The following SCFD2 variants were observed in gnomAD, a reference collection of about 807,000 sequenced individuals.
SCFD2 encodes the protein sec1 family domain containing 2.
In SCFD2, 54 loss-of-function variants were observed where a neutral mutation model predicts 58.9. That is an observed-to-expected ratio of 0.92 (90% confidence interval 0.74 to 1.15). The LOEUF (loss-of-function observed/expected upper bound fraction) is 1.15, where lower values mean the gene tolerates loss of function less well. Among genes scored for constraint, SCFD2 ranks in the 50% most tolerant of loss-of-function variants. The probability of loss-of-function intolerance (pLI) is 0.00; values close to 1 mark genes in which losing one functional copy is unlikely to be tolerated. For missense variants in SCFD2, 805 were observed against 836.6 expected (o/e 0.96, Z 0.47); for synonymous variants, 321 against 335.9 (o/e 0.96, Z 0.49).
chr4:52,993,913 C>T (rs1721679267), intron 5 of SCFD2, among the ~76,000 whole-genome samples: 1 of 152,166 alleles, frequency 6.6e-6, no homozygotes, highest in East Asian at 1.9e-4. Context: ...TGACTGGGGG[C>T]GTGTACTGCA....
chr4:52,971,886 T>G (rs1176173643), intron 5 of SCFD2, among the ~76,000 whole-genome samples: 3 of 152,184 alleles, frequency 2.0e-5, no homozygotes, highest in Admixed American at 1.3e-4. Flanking sequence ...AAAAGAATTT[T>G]CAACCCAGAA....
intron 2 of SCFD2, among the ~76,000 whole-genome samples, chr4:53,325,321 G>A (rs1311867822): frequency 1.3e-5 from 2 of 151,256 alleles, no homozygotes; most frequent in Non-Finnish European, 2.9e-5. Context: ...CATTCTTGAA[G>A]GTAAAATGCA....
intron 3 of SCFD2, among the ~76,000 whole-genome samples, chr4:53,293,875 C>A (rs1156869785): frequency 1.3e-5 from 2 of 151,596 alleles, no homozygotes; most frequent in African/African-American, 2.4e-5. Flanking sequence ...TGCTATCCCT[C>A]CCCCAGCCTC....
chr4:53,099,576 TG>T (rs1040081695), intron 5 of SCFD2, among the ~76,000 whole-genome samples: 1 of 152,078 alleles, frequency 6.6e-6, no homozygotes, highest in Non-Finnish European at 1.5e-5. Flanking sequence ...CTTCCATTCA[TG>T]GTGGAAGGTG....
chr4:53,284,547 T>C (rs1731605353), intron 3 of SCFD2, among the ~76,000 whole-genome samples: 1 of 114,756 alleles, frequency 8.7e-6, no homozygotes, highest in Non-Finnish European at 2.1e-5. Context: ...TCATGTAGAA[T>C]GGACAGATGT....
intron 5 of SCFD2, chr4:52,948,815 A>C: frequency 4.1e-6 from 1 of 243,852 alleles, no homozygotes; most frequent in South Asian, 4.9e-5. Flanking sequence ...ATTTTTCTGC[A>C]TCTATTTCCA....
At chr4:53,161,163 G>A (rs1206922205) in intron 4 of SCFD2, among the ~76,000 whole-genome samples, 2 of 152,168 alleles carry the variant, frequency 1.3e-5, no homozygotes, top group Non-Finnish European at 1.5e-5. Flanking sequence ...GGAGTAACCG[G>A]GAGAGAGCAA....
chr4:53,223,615 A>G (rs1729112879), intron 4 of SCFD2, among the ~76,000 whole-genome samples: 1 of 152,178 alleles, frequency 6.6e-6, no homozygotes, highest in Non-Finnish European at 1.5e-5. Flanking sequence ...CCTTCAAAAC[A>G]TAGTCTCACG....
chr4:53,290,425 A>T (rs1731801925), intron 3 of SCFD2, among the ~76,000 whole-genome samples: 1 of 152,214 alleles, frequency 6.6e-6, no homozygotes, highest in Non-Finnish European at 1.5e-5. Flanking sequence ...TCTTGAGACA[A>T]ACAACAATGG....
At chr4:53,213,837 G>C (rs1728708423) in intron 4 of SCFD2, among the ~76,000 whole-genome samples, 1 of 152,006 alleles carries the variant, frequency 6.6e-6, no homozygotes, top group Non-Finnish European at 1.5e-5. Flanking sequence ...CCTGGTGTGT[G>C]ATGTTCCGCT....
At chr4:53,301,903 C>G (rs370551388) in intron 3 of SCFD2, among the ~76,000 whole-genome samples, 1 of 152,016 alleles carries the variant, frequency 6.6e-6, no homozygotes, top group African/African-American at 2.4e-5. Context: ...ATTCAACAAC[C>G]CTCCATGCTA....
chr4:52,979,096 A>G (rs1721317093), intron 5 of SCFD2, among the ~76,000 whole-genome samples: 1 of 152,006 alleles, frequency 6.6e-6, no homozygotes, highest in South Asian at 2.1e-4. Context: ...GCAAGATAAA[A>G]TAGAAAATAC....
At chr4:53,154,811 G>A (rs185624860) in intron 4 of SCFD2, among the ~76,000 whole-genome samples, 55 of 151,576 alleles carry the variant, frequency 3.6e-4, no homozygotes, top group African/African-American at 1.3e-3. Context: ...CTTAAAAATA[G>A]AGGACTTTTC....
intron 5 of SCFD2, among the ~76,000 whole-genome samples, chr4:53,086,669 G>A (rs1724314087): frequency 6.6e-6 from 1 of 152,188 alleles, no homozygotes; most frequent in Non-Finnish European, 1.5e-5. Flanking sequence ...AGCAAATGTG[G>A]CAAATATATA....
At chr4:53,199,783 T>G (rs1728169680) in intron 4 of SCFD2, among the ~76,000 whole-genome samples, 1 of 152,162 alleles carries the variant, frequency 6.6e-6, no homozygotes, top group Non-Finnish European at 1.5e-5. Context: ...ACTGGGTAGC[T>G]TAAACAAGAG....
At chr4:53,216,528 CT>C (rs1728842035) in intron 4 of SCFD2, among the ~76,000 whole-genome samples, 1 of 151,910 alleles carries the variant, frequency 6.6e-6, no homozygotes, top group Non-Finnish European at 1.5e-5. Context: ...CTATTTGATT[CT>C]TCTCTCTTTT....
intron 4 of SCFD2, among the ~76,000 whole-genome samples, chr4:53,174,772 A>G (rs1248638254): frequency 1.3e-5 from 2 of 152,154 alleles, no homozygotes; most frequent in Non-Finnish European, 2.9e-5. Context: ...ACAAAGTGGG[A>G]AACATCTGCT....
intron 5 of SCFD2, among the ~76,000 whole-genome samples, chr4:53,073,198 G>T (rs1723873563): frequency 6.6e-6 from 1 of 151,812 alleles, no homozygotes; most frequent in South Asian, 2.1e-4. Context: ...GGTATTATAA[G>T]TAATCTAGAG....
At chr4:53,177,897 A>C (rs1398280481) in intron 4 of SCFD2, among the ~76,000 whole-genome samples, 1 of 152,140 alleles carries the variant, frequency 6.6e-6, no homozygotes, top group South Asian at 2.1e-4. Flanking sequence ...ACAGAGTCTC[A>C]CTCATTTCTA....
Sources: gnomAD v4.1 joint callset for allele counts (sites outside exome capture counted in the v4.1 genomes callset) on GRCh38, gnomAD v4.1.1 for gene constraint, MANE v1.5 for transcripts, NCBI Gene and HGNC (gene_info 2026-07-23, HGNC 2026-07-21) for gene names.